The following SMIM27 variants were observed in gnomAD, a reference collection of about 807,000 sequenced individuals.
The protein encoded by SMIM27 is transition zone microprotein 1, also known as TOPORS antisense RNA 1 (non-protein coding).
In SMIM27, 3 loss-of-function variants were observed where a neutral mutation model predicts 1.8. The ratio of observed to expected loss-of-function variants is 1.65; its 90% CI spans 0.75 to 4.28. The LOEUF (loss-of-function observed/expected upper bound fraction) is 4.28. Among genes scored for constraint, SMIM27 ranks in the 30% most tolerant of loss-of-function variants. The pLI is 0.02. For missense variants in SMIM27, 63 were observed against 37.0 expected (o/e 1.70, Z -1.83); for synonymous variants, 19 against 13.9 (o/e 1.37, Z -0.82).
At chr9:32,552,771 T>G in intron 1 of SMIM27, 30 bp from the exon 2 acceptor site, 1 of 697,422 alleles carries the variant, frequency 1.4e-6, no homozygotes, top group Non-Finnish European at 2.6e-6. Context: ...TCAGGTAGAT[T>G]TCACACCTCC....
intron 1 of SMIM27, among the ~76,000 whole-genome samples, chr9:32,560,527 T>G (rs1821596623): frequency 6.6e-6 from 1 of 152,246 alleles, no homozygotes; most frequent in African/African-American, 2.4e-5. Context: ...GATCAGAGTT[T>G]GTAATGTGTA....
At chr9:32,563,242 C>T (rs1439381711) in intron 1 of SMIM27, among the ~76,000 whole-genome samples, 5 of 152,194 alleles carry the variant, frequency 3.3e-5, no homozygotes, top group Non-Finnish European at 7.3e-5. Context: ...TGCCAGATTT[C>T]TCTACTACAA....
At chr9:32,552,680 G>C in intron 1 of SMIM27, 121 bp from the exon 2 acceptor site, 1 of 654,640 alleles carries the variant, frequency 1.5e-6, no homozygotes, top group East Asian at 2.7e-5. Context: ...CCCGCCACTG[G>C]AACCCCATTT....
chr9:32,557,044 G>C (rs900421174), downstream of SMIM27, among the ~76,000 whole-genome samples: 4 of 150,624 alleles, frequency 2.7e-5, no homozygotes, highest in African/African-American at 7.3e-5. Context: ...TAATAGTAGA[G>C]ATGGAGTTTC....
At chr9:32,557,497 T>C (rs1470298103), downstream of SMIM27, among the ~76,000 whole-genome samples, 1 of 151,288 alleles carries the variant, frequency 6.6e-6, no homozygotes, top group African/African-American at 2.4e-5. Context: ...TCCTTTTTTT[T>C]TGAGATGGAG....
chr9:32,566,542 T>C, exon 2 of SMIM27: 1 of 773,202 alleles, frequency 1.3e-6, no homozygotes, highest in South Asian at 1.4e-5. Context: ...TCCTCTGTTG[T>C]ATAGCTGCCG....
At chr9:32,561,757 C>A (rs1021394034) in intron 1 of SMIM27, among the ~76,000 whole-genome samples, 11 of 152,156 alleles carry the variant, frequency 7.2e-5, no homozygotes, top group Admixed American at 5.9e-4. Context: ...ACTTAATCAA[C>A]CACCAACTTC....
downstream of SMIM27, among the ~76,000 whole-genome samples, chr9:32,556,136 A>G (rs766583710): frequency 4.6e-5 from 7 of 152,190 alleles, no homozygotes; most frequent in South Asian, 4.1e-4. Flanking sequence ...CCCTAAGGAG[A>G]GAGACTAAGT....
At chr9:32,558,902 A>T in intron 1 of SMIM27, 5 of 1,553,350 alleles carry the variant, frequency 3.2e-6, no homozygotes, top group Non-Finnish European at 4.4e-6. Context: ...AGAAGTGTTA[A>T]GACTTACAGG....
chr9:32,562,655 A>G (rs1488701267), intron 1 of SMIM27, among the ~76,000 whole-genome samples: 1 of 152,200 alleles, frequency 6.6e-6, no homozygotes, highest in East Asian at 1.9e-4. Flanking sequence ...TTACTCTAGT[A>G]TACTTCCTAC....
Position 32,566,413 on chromosome 9 carries a change from C to CT in SMIM27, c.69dup (p.Ala24CysfsTer9). 1 of 877,148 alleles carries CT rather than the reference C, an allele frequency of 1.1e-6. No homozygotes were observed. Among genetic ancestry groups the CT allele is most frequent in the South Asian group, 1.3e-5 (1 of 76,428 alleles). 54.3% of individuals were successfully genotyped at this position (877,148 alleles called of 1,614,324 possible). On this transcript the variant is annotated frameshift_variant, in exon 2 of 2. Transcript: ENST00000451672. LOFTEE classifies it high-confidence loss of function. ...CAGGTTCCAGGTCCAGAAGAGGAGC[C>CT]TGCTCTCCCTGTTACTGTAGGGGTT...
chr9:32,563,873 G>A (rs1821700760), intron 1 of SMIM27, among the ~76,000 whole-genome samples: 1 of 152,176 alleles, frequency 6.6e-6, no homozygotes, highest in South Asian at 2.1e-4. Flanking sequence ...GTCCTTGCAA[G>A]CTGACTCTGT....
chr9:32,553,877 T>A, downstream of SMIM27: 1 of 1,570,102 alleles, frequency 6.4e-7, no homozygotes, highest in Non-Finnish European at 8.8e-7. Flanking sequence ...ACATAATCTT[T>A]AATGATGTTG....
At chr9:32,552,603 C>T in intron 1 of SMIM27, 124 bp downstream of exon 1, 4 of 823,188 alleles carry the variant, frequency 4.9e-6, no homozygotes, top group East Asian at 2.7e-5. Context: ...TTCACTCCCT[C>T]ACCTCGACTC....
At chr9:32,553,647 CCAAGT>C (rs1821368668), downstream of SMIM27, 1 of 484,398 alleles carries the variant, frequency 2.1e-6, no homozygotes, top group Non-Finnish European at 3.7e-6. Flanking sequence ...ATACCGTTTT[CCAAGT>C]CAAGAATGAC....
chr9:32,564,014 C>T (rs1821706024), intron 1 of SMIM27, among the ~76,000 whole-genome samples: 1 of 152,134 alleles, frequency 6.6e-6, no homozygotes, highest in African/African-American at 2.4e-5. Flanking sequence ...GCTCTGGGTC[C>T]TTTCAGTGCA....
At chr9:32,560,070 G>A (rs971702157) in intron 1 of SMIM27, among the ~76,000 whole-genome samples, 9 of 152,312 alleles carry the variant, frequency 5.9e-5, no homozygotes, top group Non-Finnish European at 8.8e-5. Flanking sequence ...ATGTCTTTAC[G>A]TGCTAAAAGG....
In SMIM27 at chr9:32,552,458, G is replaced by T; in HGVS notation, c.24G>T (p.Thr8=). 6.2e-7 allele frequency: 1 copy of T among 1,602,798 alleles called. No individual in the cohort carries two copies. The highest frequency in any genetic ancestry group is 2.2e-5 in the East Asian group (1 of 44,510). MKPVSRR[T]LDWIYSVLLL... ...CCATGAAGCCAGTAAGTCGTCGCAC[G>T]CTGGACTGGATTTATTCAGTGGTAA... is the stretch of plus-strand genomic sequence containing the variant. The change falls in exon 1 of 2, where the codon ACG becomes ACT. Residue 8 remains threonine, a synonymous_variant. Coordinates refer to ENST00000692500, the MANE Select transcript of SMIM27 (RefSeq NM_001387564.1).
downstream of SMIM27, among the ~76,000 whole-genome samples, chr9:32,557,636 C>A (rs898223268): frequency 2.0e-5 from 3 of 151,494 alleles, no homozygotes; most frequent in Non-Finnish European, 4.4e-5. Flanking sequence ...CCCGCCACCA[C>A]GCACGGTAAT....
Sources: gnomAD v4.1 joint callset for allele counts (sites outside exome capture counted in the v4.1 genomes callset) on GRCh38, gnomAD v4.1.1 for gene constraint, MANE v1.5 for transcripts, NCBI Gene and HGNC (gene_info 2026-07-23, HGNC 2026-07-21) for gene names.